Variants in CCSER1 observed in about 807,000 individuals in gnomAD.
The protein encoded by CCSER1 is coiled-coil serine rich protein 1, also known as serine-rich coiled-coil domain-containing protein 1.
CCSER1 carries 41 observed loss-of-function variants against 82.0 expected under a neutral mutation model. That is an observed-to-expected ratio of 0.50 (90% CI 0.39 to 0.65). CCSER1 has a LOEUF of 0.65. Among genes scored for constraint, CCSER1 ranks in the 30% least tolerant of loss-of-function variants. The pLI is 0.00. For missense variants in CCSER1, 1,119 were observed against 1,064.2 expected (o/e 1.05, Z -0.72); for synonymous variants, 414 against 383.9 (o/e 1.08, Z -0.92).
chr4:90,951,937 T>C (rs1732955227), intron 9 of CCSER1, among the ~76,000 whole-genome samples: 1 of 151,752 alleles, frequency 6.6e-6, no homozygotes, highest in Non-Finnish European at 1.5e-5. Context: ...ATGTTAATTT[T>C]ACACGCACAC....
chr4:90,551,249 C>A (rs1178359767), intron 5 of CCSER1, among the ~76,000 whole-genome samples: 1 of 152,090 alleles, frequency 6.6e-6, no homozygotes, highest in African/African-American at 2.4e-5. Flanking sequence ...TTCCCTATGG[C>A]TCTTAGTGTA....
At chr4:91,316,287 AT>A (rs1455882845) in intron 10 of CCSER1, among the ~76,000 whole-genome samples, 1 of 152,010 alleles carries the variant, frequency 6.6e-6, no homozygotes, top group Non-Finnish European at 1.5e-5. Flanking sequence ...GGTCATTTAT[AT>A]TAGTAAATTC....
At chr4:90,494,055 A>G (rs939971341) in intron 5 of CCSER1, among the ~76,000 whole-genome samples, 4 of 152,178 alleles carry the variant, frequency 2.6e-5, no homozygotes, top group African/African-American at 9.7e-5. Context: ...GCTCAAAATA[A>G]AGGGATGGAG....
chr4:91,558,816 T>C (rs965200760), intron 10 of CCSER1, among the ~76,000 whole-genome samples: 1 of 151,550 alleles, frequency 6.6e-6, no homozygotes, highest in Non-Finnish European at 1.5e-5. Flanking sequence ...CCACAACACA[T>C]GAGAATTCTG....
intron 10 of CCSER1, among the ~76,000 whole-genome samples, chr4:91,381,125 C>T (rs1174163128): frequency 6.6e-6 from 1 of 152,212 alleles, no homozygotes; most frequent in African/African-American, 2.4e-5. Context: ...CGCCATTACT[C>T]TGATGGGCTT....
intron 10 of CCSER1, among the ~76,000 whole-genome samples, chr4:91,093,539 G>T (rs75968576): frequency 0.11 from 17,276 of 152,226 alleles, 1,213 homozygotes; most frequent in East Asian, 0.27. Flanking sequence ...TTGCCCAAGG[G>T]TTAGCTTGTC....
At chr4:90,816,871 T>A (rs1659294213) in intron 8 of CCSER1, among the ~76,000 whole-genome samples, 1 of 152,132 alleles carries the variant, frequency 6.6e-6, no homozygotes, top group Non-Finnish European at 1.5e-5. Context: ...TATAGACTCT[T>A]CACAACTGAC....
intron 10 of CCSER1, among the ~76,000 whole-genome samples, chr4:91,216,467 G>A (rs1447481997): frequency 6.6e-6 from 1 of 151,982 alleles, no homozygotes; most frequent in Non-Finnish European, 1.5e-5. Context: ...CTACAGGTGC[G>A]TGCCACCACA....
intron 6 of CCSER1, among the ~76,000 whole-genome samples, chr4:90,710,757 G>A (rs1163660427): frequency 1.3e-5 from 2 of 152,072 alleles, no homozygotes; most frequent in Non-Finnish European, 2.9e-5. Context: ...TTAAAGTCAG[G>A]TAGCATGATG....
At chr4:90,781,766 GA>G (rs1447678326) in intron 7 of CCSER1, 1 of 965,250 alleles carries the variant, frequency 1.0e-6, no homozygotes, top group African/African-American at 1.8e-5. Flanking sequence ...TTTTGTTACT[GA>G]AATATTATCT....
At chr4:91,202,111 A>G (rs1403571916) in intron 10 of CCSER1, among the ~76,000 whole-genome samples, 1 of 151,500 alleles carries the variant, frequency 6.6e-6, no homozygotes, top group Non-Finnish European at 1.5e-5. Context: ...ATTAATCTTT[A>G]TAGGTGCCTA....
At chr4:90,488,195 A>AT (rs1331836022) in intron 5 of CCSER1, among the ~76,000 whole-genome samples, 1 of 151,490 alleles carries the variant, frequency 6.6e-6, no homozygotes, top group African/African-American at 2.4e-5. Context: ...TTATTTATTT[A>AT]TTTTGAGACG....
intron 9 of CCSER1, among the ~76,000 whole-genome samples, chr4:90,972,128 GT>G (rs750551468): frequency 2.0e-5 from 3 of 151,670 alleles, no homozygotes; most frequent in Non-Finnish European, 4.4e-5. Flanking sequence ...AATGCTGTAT[GT>G]CCTATCCAGA....
intron 10 of CCSER1, among the ~76,000 whole-genome samples, chr4:91,218,396 C>G (rs1046969047): frequency 7.2e-5 from 11 of 152,168 alleles, no homozygotes; most frequent in African/African-American, 2.7e-4. Context: ...CCAGCCTTGG[C>G]CAGCCCAGAA....
intron 10 of CCSER1, among the ~76,000 whole-genome samples, chr4:91,336,080 G>C (rs563735927): frequency 2.0e-5 from 3 of 152,086 alleles, no homozygotes; most frequent in Non-Finnish European, 4.4e-5. Context: ...GAGGGTATAT[G>C]TACATAGTAA....
At chr4:90,793,947 G>C (rs1303883369) in intron 7 of CCSER1, among the ~76,000 whole-genome samples, 1 of 152,146 alleles carries the variant, frequency 6.6e-6, no homozygotes, top group East Asian at 1.9e-4. Flanking sequence ...ATGATTGTTT[G>C]CTGAATGTAT....
chr4:91,057,620 G>A (rs977974050), intron 9 of CCSER1, among the ~76,000 whole-genome samples: 8 of 152,246 alleles, frequency 5.3e-5, no homozygotes, highest in African/African-American at 1.9e-4. Flanking sequence ...TTTCGTTAAT[G>A]TTTGTGTAGA....
intron 9 of CCSER1, among the ~76,000 whole-genome samples, chr4:91,078,785 C>T (rs893520436): frequency 2.0e-5 from 3 of 152,156 alleles, no homozygotes; most frequent in African/African-American, 7.2e-5. Context: ...GTGATGAATG[C>T]ACAAGCTTCA....
chr4:90,483,637 A>C (rs958353817), intron 5 of CCSER1, among the ~76,000 whole-genome samples: 1 of 152,158 alleles, frequency 6.6e-6, no homozygotes, highest in Non-Finnish European at 1.5e-5. Context: ...TATGAAGCTT[A>C]GTTTGGCTGG....
Sources: gnomAD v4.1 joint callset for allele counts (sites outside exome capture counted in the v4.1 genomes callset) on GRCh38, gnomAD v4.1.1 for gene constraint, MANE v1.5 for transcripts, NCBI Gene and HGNC (gene_info 2026-07-23, HGNC 2026-07-21) for gene names.